The following GLI2 variants were observed in gnomAD, a reference collection of about 807,000 sequenced individuals.
GLI2 encodes the protein transcription activator GLI2.
GLI2 carries 22 observed loss-of-function variants against 78.9 expected under a neutral mutation model. The observed-to-expected ratio is 0.28, with a 90% CI of 0.20 to 0.40. The LOEUF (loss-of-function observed/expected upper bound fraction) is 0.40. Ranked by LOEUF, GLI2 falls within the 10% of genes least tolerant of loss-of-function variation. The pLI is 1.00. For synonymous variants in GLI2, 974 were observed against 963.7 expected, an observed-to-expected ratio of 1.01 and a Z score of -0.20; for missense variants, 2,097 against 2,213.2, an observed-to-expected ratio of 0.95 and a Z score of 1.05.
intron 2 of GLI2, among the ~76,000 whole-genome samples, chr2:120,859,892 A>G (rs1399374368): frequency 1.3e-5 from 2 of 152,028 alleles, no homozygotes; most frequent in Non-Finnish European, 2.9e-5. Flanking sequence ...ACCTCAGACG[A>G]TCTGCCCACC....
chr2:120,809,670 G>A (rs1048530237), intron 2 of GLI2, among the ~76,000 whole-genome samples: 2 of 152,198 alleles, frequency 1.3e-5, no homozygotes, highest in African/African-American at 4.8e-5. Context: ...ATCTCCAAGT[G>A]CCTTGTGCAC....
At chr2:120,834,882 A>G (rs747780728) in intron 2 of GLI2, among the ~76,000 whole-genome samples, 3 of 151,470 alleles carry the variant, frequency 2.0e-5, no homozygotes, top group Non-Finnish European at 4.4e-5. Flanking sequence ...CTTCTGGTGC[A>G]CTCCTCATGT....
chr2:120,798,133 G>A (rs1262738724), intron 2 of GLI2, among the ~76,000 whole-genome samples: 1 of 152,228 alleles, frequency 6.6e-6, no homozygotes, highest in Non-Finnish European at 1.5e-5. Context: ...CGGAGGAATG[G>A]AGAGACTTCG....
intron 2 of GLI2, among the ~76,000 whole-genome samples, chr2:120,872,926 G>C (rs1003548063): frequency 2.6e-5 from 4 of 152,222 alleles, no homozygotes. Flanking sequence ...GATGGCAATA[G>C]TAATAAATGT....
intron 2 of GLI2, among the ~76,000 whole-genome samples, chr2:120,828,969 C>T (rs1686221077): frequency 6.6e-6 from 1 of 151,614 alleles, no homozygotes; most frequent in Non-Finnish European, 1.5e-5. Flanking sequence ...TTGGAAGAAA[C>T]ACACAGCACT....
chr2:120,904,648 C>G (rs184354933), intron 2 of GLI2, among the ~76,000 whole-genome samples: 2 of 152,190 alleles, frequency 1.3e-5, no homozygotes, highest in Non-Finnish European at 2.9e-5. Flanking sequence ...CTGTTCTCAA[C>G]GCCCCCTGCC....
chr2:120,946,086 A>C (rs571597942), intron 3 of GLI2, among the ~76,000 whole-genome samples: 1 of 152,036 alleles, frequency 6.6e-6, no homozygotes, highest in African/African-American at 2.4e-5. Flanking sequence ...ACCCAGCCCT[A>C]ATGTCACCTT....
chr2:120,965,567 C>T (rs898153426), intron 5 of GLI2, among the ~76,000 whole-genome samples: 2 of 142,658 alleles, frequency 1.4e-5, no homozygotes, highest in Admixed American at 6.9e-5. Flanking sequence ...GCAGATGCTG[C>T]GGCAGAGGGG....
chr2:120,874,326 C>T (rs960907661), intron 2 of GLI2, among the ~76,000 whole-genome samples: 2 of 152,192 alleles, frequency 1.3e-5, no homozygotes, highest in African/African-American at 2.4e-5. Context: ...ATTTCTGGGC[C>T]TGTAGCAAGA....
chr2:120,766,707 A>G (rs1683377097), intron 1 of GLI2, among the ~76,000 whole-genome samples: 1 of 152,192 alleles, frequency 6.6e-6, no homozygotes, highest in South Asian at 2.1e-4. Flanking sequence ...TAAACTAGGG[A>G]CATAATGGTG....
rs113538323 is a variant in GLI2, at chr2:120,747,811, C to G, written c.-31+11526C>G. Among the ~76,000 whole-genome samples the G allele has an allele frequency of 7.7e-3, 1,166 of 152,338 alleles. 15 individuals carry two copies. The highest frequency in any genetic ancestry group is 0.026 in the African/African-American group (1,097 of 41,566). On this transcript the variant is annotated intron_variant, in intron 1 of 13. Transcript: ENST00000361492. ...GACTCTGACAGTGGGGCTGTCAAAGCAGGCAGCAGTACTTTATTCAAACCT... is the reference window on the plus strand; with the variant it reads ...GACTCTGACAGTGGGGCTGTCAAAGGAGGCAGCAGTACTTTATTCAAACCT...
intron 2 of GLI2, among the ~76,000 whole-genome samples, chr2:120,843,614 G>T (rs1479470462): frequency 6.6e-6 from 1 of 152,214 alleles, no homozygotes; most frequent in Non-Finnish European, 1.5e-5. Context: ...CTGGGACTCT[G>T]CAGGTTCCAC....
At chr2:120,854,776 G>T (rs1263963687) in intron 2 of GLI2, among the ~76,000 whole-genome samples, 1 of 152,256 alleles carries the variant, frequency 6.6e-6, no homozygotes, top group East Asian at 1.9e-4. Context: ...CAAGAGACTT[G>T]TTAAACATGA....
At chr2:120,971,822 A>G (rs1682189180) in intron 7 of GLI2, 119 bp from the exon 8 acceptor site, 1 of 889,688 alleles carries the variant, frequency 1.1e-6, no homozygotes, top group South Asian at 1.4e-5. Context: ...CTGATACTTT[A>G]AACACAGGGT....
intron 2 of GLI2, among the ~76,000 whole-genome samples, chr2:120,908,293 C>T (rs1211520218): frequency 6.6e-6 from 1 of 152,178 alleles, no homozygotes. Context: ...CTGTCCAGAG[C>T]GTGGCATGGA....
At chr2:120,957,556 C>T (rs548298411) in intron 5 of GLI2, among the ~76,000 whole-genome samples, 7 of 152,330 alleles carry the variant, frequency 4.6e-5, no homozygotes, top group African/African-American at 1.7e-4. Flanking sequence ...GCAAGCAGGA[C>T]CCTTCTTCCA....
chr2:120,799,866 A>G (rs11893161), intron 2 of GLI2, among the ~76,000 whole-genome samples: 81,344 of 152,012 alleles, frequency 0.54, 23,817 homozygotes, highest in South Asian at 0.74. Flanking sequence ...GCAGGTGAGG[A>G]GAATGTGCGG....
chr2:120,744,807 C>G (rs1044356203), intron 1 of GLI2, among the ~76,000 whole-genome samples: 3 of 152,140 alleles, frequency 2.0e-5, no homozygotes, highest in African/African-American at 4.8e-5. Flanking sequence ...AGGTGGGAAG[C>G]TTGTTAAATA....
intron 2 of GLI2, among the ~76,000 whole-genome samples, chr2:120,813,647 C>T (rs1434277454): frequency 6.6e-6 from 1 of 152,150 alleles, no homozygotes; most frequent in East Asian, 1.9e-4. Context: ...CCCCAGATCC[C>T]CAGGTCCCCC....
Sources: allele counts gnomAD v4.1 joint callset (sites outside exome capture counted in the v4.1 genomes callset), GRCh38; gene constraint gnomAD v4.1.1; transcripts MANE v1.5; gene names NCBI Gene and HGNC (gene_info 2026-07-23, HGNC 2026-07-21).